The following SCAF4 variants were observed in gnomAD, a reference collection of about 807,000 sequenced individuals.
SCAF4 encodes the protein SR-related CTD associated factor 4, also known as SR-related and CTD-associated factor 4.
Under a neutral mutation model 129.8 loss-of-function variants are expected in SCAF4, and 25 were observed. That is an observed-to-expected ratio of 0.19 (90% CI 0.14 to 0.27). The LOEUF (loss-of-function observed/expected upper bound fraction) is 0.27. Ranked by LOEUF, SCAF4 falls within the 10% of genes least tolerant of loss-of-function variation. SCAF4 has a pLI of 1.00. For synonymous variants in SCAF4, 551 were observed against 497.7 expected (o/e 1.11, Z -1.43); for missense variants, 1,246 against 1,457.1 (o/e 0.86, Z 2.36).
Position 31,671,763 on chromosome 21 carries a change from T to C in SCAF4, c.3080A>G (p.Asn1027Ser). ...CCTTCCCCACTCTCTCCTGTCACGG[T>C]TACTATTATCTCTATCATCATTACG... ...GNRNDDRDNS[N>S]RDRREWGRRS... The change falls in exon 20 of 20, where the codon AAC (asparagine) becomes AGC (serine). Residue 1027 changes from asparagine to serine, a missense_variant. By Grantham distance (46) the Asn-to-Ser change is conservative. Coordinates refer to ENST00000286835, the MANE Select transcript of SCAF4 (RefSeq NM_020706.2). 1 of 1,614,088 alleles carries C rather than the reference T, an allele frequency of 6.2e-7. No homozygotes were observed. The highest frequency in any genetic ancestry group is 2.2e-5 in the East Asian group (1 of 44,886).
chr21:31,710,200 G>A (rs2050766658), intron 1 of SCAF4, among the ~76,000 whole-genome samples: 1 of 152,102 alleles, frequency 6.6e-6, no homozygotes, highest in African/African-American at 2.4e-5. Context: ...AAATGGAAAG[G>A]TTATAGAACT....
At chr21:31,678,068 G>GAT (rs2123473790) in intron 19 of SCAF4, among the ~76,000 whole-genome samples, 1 of 152,232 alleles carries the variant, frequency 6.6e-6, no homozygotes, top group African/African-American at 2.4e-5. Context: ...TTTCTCCTTA[G>GAT]GTAATCTCAC....
chr21:31,673,820 G>A (rs542954086), intron 19 of SCAF4, among the ~76,000 whole-genome samples: 1 of 152,324 alleles, frequency 6.6e-6, no homozygotes, highest in African/African-American at 2.4e-5. Flanking sequence ...AGAAACACCT[G>A]AAACAAACTG....
Position 31,731,323 on chromosome 21 carries a change from G to A in SCAF4, c.30+340C>T, listed in dbSNP as rs527967648. Among the ~76,000 whole-genome samples the A allele has an allele frequency of 6.4e-3, 969 of 152,338 alleles. 5 individuals are homozygous for A. The highest frequency in any genetic ancestry group is 8.1e-3 in the Non-Finnish European group (552 of 68,032). On this transcript the variant is annotated intron_variant, in intron 1 of 19. Coordinates refer to ENST00000286835, the MANE Select transcript of SCAF4 (RefSeq NM_020706.2). ...CCCGGCACTGCGAACCCGACAACGGGGCTCGCGGAGCAGAGAGCGAGGGCG... is the reference window on the plus strand; with the variant it reads ...CCCGGCACTGCGAACCCGACAACGGAGCTCGCGGAGCAGAGAGCGAGGGCG...
chr21:31,685,836 T>C (rs1249028460), intron 16 of SCAF4, 103 bp from the exon 17 acceptor site: 1 of 1,145,586 alleles, frequency 8.7e-7, no homozygotes, highest in African/African-American at 1.6e-5. Context: ...AGATGTTTCT[T>C]AATTTGTGCT....
At chr21:31,687,778 A>G (rs977224735) in intron 16 of SCAF4, among the ~76,000 whole-genome samples, 11 of 152,156 alleles carry the variant, frequency 7.2e-5, no homozygotes, top group Non-Finnish European at 8.8e-5. Context: ...ATCTGGATGG[A>G]TAGATGTAAG....
intron 1 of SCAF4, 109 bp downstream of exon 1, chr21:31,731,554 G>T: frequency 7.6e-7 from 1 of 1,322,334 alleles, no homozygotes; most frequent in Non-Finnish European, 1.0e-6. Context: ...CGGAACCGGG[G>T]CAGGAAGCGT....
chr21:31,723,766 T>C (rs1257703431), intron 1 of SCAF4, among the ~76,000 whole-genome samples: 1 of 152,156 alleles, frequency 6.6e-6, no homozygotes, highest in Non-Finnish European at 1.5e-5. Context: ...GGATGTCAAA[T>C]ATGCCAGCTA....
At chr21:31,724,720 A>G (rs1259995906) in intron 1 of SCAF4, among the ~76,000 whole-genome samples, 3 of 152,000 alleles carry the variant, frequency 2.0e-5, no homozygotes, top group Non-Finnish European at 4.4e-5. Flanking sequence ...GTATGTGGTA[A>G]AGAAAACAAA....
intron 1 of SCAF4, among the ~76,000 whole-genome samples, chr21:31,710,366 T>C (rs1264732791): frequency 6.6e-6 from 1 of 151,962 alleles, no homozygotes; most frequent in African/African-American, 2.4e-5. Context: ...CTGGCCAACA[T>C]GGTGAAACCC....
intron 5 of SCAF4, 35 bp downstream of exon 5, chr21:31,702,209 C>T: frequency 1.2e-6 from 2 of 1,612,366 alleles, no homozygotes; most frequent in Non-Finnish European, 1.7e-6. Context: ...AAAAATCATA[C>T]CATTGTGTGA....
chr21:31,731,644 T>A lies in SCAF4; in HGVS notation c.30+19A>T, dbSNP rs1238725265. The A allele has an allele frequency of 1.3e-6, 2 of 1,588,992 alleles. No individual in the cohort carries two copies. Among genetic ancestry groups the A allele is most frequent in the East Asian group, 4.7e-5 (2 of 42,296 alleles). On this transcript the variant is annotated intron_variant, in intron 1 of 19. Transcript: ENST00000286835. ...TCCCGCAGCAGGCCCGGCACCCCCC[T>A]GCCCCAAACACCCCTTACCTCCTGG...
At chr21:31,718,836 A>G (rs1202826587) in intron 1 of SCAF4, among the ~76,000 whole-genome samples, 4 of 152,242 alleles carry the variant, frequency 2.6e-5, no homozygotes, top group Admixed American at 6.5e-5. Context: ...ACTATACCAT[A>G]TTCTCCTCCA....
At chr21:31,719,391 T>A (rs2051016725) in intron 1 of SCAF4, among the ~76,000 whole-genome samples, 1 of 152,222 alleles carries the variant, frequency 6.6e-6, no homozygotes, top group South Asian at 2.1e-4. Flanking sequence ...AATTGTACCA[T>A]CGAGCCCTTA....
intron 1 of SCAF4, among the ~76,000 whole-genome samples, chr21:31,709,194 G>A (rs1312461805): frequency 6.6e-6 from 1 of 152,114 alleles, no homozygotes; most frequent in Non-Finnish European, 1.5e-5. Flanking sequence ...GTGGGGGTGG[G>A]GGGGAGCGTC....
At chr21:31,698,548 C>T (rs1030551391) in intron 7 of SCAF4, among the ~76,000 whole-genome samples, 3 of 152,128 alleles carry the variant, frequency 2.0e-5, no homozygotes, top group Non-Finnish European at 2.9e-5. Context: ...CCCAGCTGTA[C>T]AGTCAAACAC....
At chr21:31,716,482 CAACTT>C (rs1358674579) in intron 1 of SCAF4, among the ~76,000 whole-genome samples, 13 of 152,132 alleles carry the variant, frequency 8.5e-5, no homozygotes, top group East Asian at 3.9e-4. Context: ...CTTTCATACT[CAACTT>C]AATATATCAA....
intron 19 of SCAF4, among the ~76,000 whole-genome samples, chr21:31,677,769 C>G (rs953222321): frequency 6.6e-6 from 1 of 152,156 alleles, no homozygotes; most frequent in African/African-American, 2.4e-5. Context: ...AGATAGTGGT[C>G]AAAAGCACAG....
At chr21:31,715,192 A>G (rs1226442803) in intron 1 of SCAF4, among the ~76,000 whole-genome samples, 2 of 152,132 alleles carry the variant, frequency 1.3e-5, no homozygotes, top group Non-Finnish European at 2.9e-5. Flanking sequence ...GGGTGCCTAC[A>G]TTCTTTTGGC....
Sources: allele counts gnomAD v4.1 joint callset (sites outside exome capture counted in the v4.1 genomes callset), GRCh38; gene constraint gnomAD v4.1.1; transcripts MANE v1.5; gene names NCBI Gene and HGNC (gene_info 2026-07-23, HGNC 2026-07-21).